The following APP variants were observed in gnomAD, a reference collection of about 807,000 sequenced individuals.
The protein encoded by APP is amyloid beta precursor protein.
A neutral mutation model predicts 101.4 loss-of-function variants in APP; 31 were observed. The ratio of observed to expected loss-of-function variants is 0.31; its 90% confidence interval spans 0.23 to 0.41. The LOEUF (loss-of-function observed/expected upper bound fraction) is 0.41. APP is among the 10% of genes least tolerant of loss of function. APP has a pLI of 1.00. For synonymous variants in APP, 366 were observed against 364.4 expected (o/e 1.00, Z -0.05); for missense variants, 839 against 1,003.7 (o/e 0.84, Z 2.22).
At chr21:25,920,186 T>C (rs1378791213) in intron 13 of APP, among the ~76,000 whole-genome samples, 3 of 151,346 alleles carry the variant, frequency 2.0e-5, no homozygotes, top group Non-Finnish European at 4.4e-5. Flanking sequence ...CTGAGAGATT[T>C]TGTCACCACC....
intron 5 of APP, among the ~76,000 whole-genome samples, chr21:26,030,823 G>C (rs2044785031): frequency 6.6e-6 from 1 of 152,160 alleles, no homozygotes; most frequent in South Asian, 2.1e-4. Context: ...CTAAGGATGG[G>C]TGATCCATAT....
At chr21:25,949,489 C>T (rs1021102117) in intron 13 of APP, among the ~76,000 whole-genome samples, 5 of 152,178 alleles carry the variant, frequency 3.3e-5, no homozygotes, top group African/African-American at 4.8e-5. Context: ...GTGGTGCTTA[C>T]GCTAGATGTC....
chr21:26,167,836 C>G (rs2063649907), intron 1 of APP, among the ~76,000 whole-genome samples: 1 of 152,158 alleles, frequency 6.6e-6, no homozygotes, highest in African/African-American at 2.4e-5. Flanking sequence ...TCTGCTGGTT[C>G]CGGTGACAAG....
chr21:26,011,044 T>C (rs1254773093), intron 6 of APP, among the ~76,000 whole-genome samples: 1 of 151,654 alleles, frequency 6.6e-6, no homozygotes, highest in African/African-American at 2.4e-5. Context: ...GACACAGTAT[T>C]GCACGGGTAT....
At chr21:26,046,416 AAAAAAGAAAAAG>A (rs1226368579) in intron 5 of APP, among the ~76,000 whole-genome samples, 1 of 151,966 alleles carries the variant, frequency 6.6e-6, no homozygotes, top group Non-Finnish European at 1.5e-5. Context: ...CATCTTAAAA[AAAAAAGAAAAAG>A]AAAAAGAAAA....
intron 11 of APP, among the ~76,000 whole-genome samples, chr21:25,965,206 G>T (rs891314758): frequency 1.6e-4 from 25 of 152,324 alleles, no homozygotes; most frequent in African/African-American, 5.5e-4. Flanking sequence ...ATGATGAACA[G>T]AATTAGTAAT....
At chr21:26,132,809 C>G (rs2062822019) in intron 1 of APP, among the ~76,000 whole-genome samples, 1 of 152,086 alleles carries the variant, frequency 6.6e-6, no homozygotes, top group Admixed American at 6.6e-5. Context: ...ACAACAGAAC[C>G]CTAAATTCAG....
chr21:25,946,505 A>G (rs938429170), intron 13 of APP, among the ~76,000 whole-genome samples: 3 of 152,026 alleles, frequency 2.0e-5, no homozygotes, highest in Non-Finnish European at 4.4e-5. Context: ...GTCTCTACTA[A>G]AAATACAAAA....
chr21:26,043,555 T>A (rs2045471132), intron 5 of APP, among the ~76,000 whole-genome samples: 1 of 152,172 alleles, frequency 6.6e-6, no homozygotes, highest in Non-Finnish European at 1.5e-5. Context: ...TAAAGACCAG[T>A]TAGTTTTGGT....
chr21:25,971,049 C>G (rs989791578), intron 11 of APP, among the ~76,000 whole-genome samples: 4 of 151,754 alleles, frequency 2.6e-5, no homozygotes, highest in African/African-American at 9.7e-5. Flanking sequence ...ATACAAACAG[C>G]GTTTCTTTTT....
intron 1 of APP, among the ~76,000 whole-genome samples, chr21:26,126,623 G>A (rs968508483): frequency 5.9e-5 from 9 of 152,042 alleles, no homozygotes; most frequent in African/African-American, 2.2e-4. Context: ...GACTTGGGTG[G>A]TGCTACTGGC....
rs528148241 is a variant in APP at position 26,031,430 on chromosome 21, A to G, written c.663-9388T>C. On this transcript the variant is annotated intron_variant, in intron 5 of 17. Coordinates refer to ENST00000346798, the MANE Select transcript of APP (RefSeq NM_000484.4). ...TAAGGAAGTGTATCAGTCTGTTTTCATGCTGCTGATAAAGACATACCCAAG... is the reference window on the plus strand; with the variant it reads ...TAAGGAAGTGTATCAGTCTGTTTTCGTGCTGCTGATAAAGACATACCCAAG... Among the ~76,000 whole-genome samples the G allele has an allele frequency of 1.9e-4, 29 of 152,286 alleles. 1 individual carries two copies. The South Asian group carries it at 5.8e-3, about 30-fold the overall frequency.
In APP at chr21:26,104,185, G is replaced by C. The variant is rs45523631; in HGVS notation, c.225+7794C>G. On this transcript the variant is annotated intron_variant, in intron 2 of 17. Coordinates refer to ENST00000346798, the MANE Select transcript of APP (RefSeq NM_000484.4). ...CACATACTCATGACCTCATCTAACA[G>C]TTATCACCTCCCAAAGGTATCATCT... Among the ~76,000 whole-genome samples the C allele has an allele frequency of 7.3e-5, 11 of 151,490 alleles. No individual in the cohort carries two copies. In the East Asian group the frequency reaches 2.0e-3, roughly 27 times the overall value.
intron 1 of APP, among the ~76,000 whole-genome samples, chr21:26,144,976 T>C (rs932476564): frequency 6.6e-6 from 1 of 152,100 alleles, no homozygotes; most frequent in Non-Finnish European, 1.5e-5. Flanking sequence ...ATGACCTAGT[T>C]TTATAATACA....
chr21:26,112,643 G>T (rs1034008962), intron 1 of APP, among the ~76,000 whole-genome samples: 2 of 152,208 alleles, frequency 1.3e-5, no homozygotes, highest in East Asian at 3.8e-4. Context: ...GTTAGCAAGT[G>T]ACTGTATTAT....
In APP at chr21:26,170,548, G is replaced by A. The variant is rs201003643; in HGVS notation, c.57+16C>T. On this transcript the variant is annotated intron_variant, in intron 1 of 17. Coordinates refer to ENST00000346798, the MANE Select transcript of APP (RefSeq NM_000484.4). ...ACCGTGCAGCCTCCCCCCGCCTTCC[G>A]AGGCGCGGCACCCACCTCCAGCGCC... 104 of 1,537,130 alleles carry A rather than the reference G, an allele frequency of 6.8e-5. No individual in the cohort carries two copies. The highest frequency in any genetic ancestry group is 9.0e-5 in the Non-Finnish European group (103 of 1,146,056).
chr21:26,056,489 T>C (rs2046046714), intron 3 of APP, among the ~76,000 whole-genome samples: 1 of 152,214 alleles, frequency 6.6e-6, no homozygotes, highest in African/African-American at 2.4e-5. Flanking sequence ...AACCATATTC[T>C]TGAACTTGTG....
chr21:26,089,754 A>G (rs761342710), intron 3 of APP, 189 bp downstream of exon 3: 1 of 687,762 alleles, frequency 1.5e-6, no homozygotes, highest in Non-Finnish European at 2.3e-6. Context: ...GAGGCAGGGA[A>G]CTCAAAAATA....
intron 16 of APP, among the ~76,000 whole-genome samples, chr21:25,895,722 G>A (rs961396802): frequency 3.3e-5 from 5 of 152,128 alleles, no homozygotes; most frequent in South Asian, 2.1e-4. Flanking sequence ...ATAACAAAAT[G>A]AGAAATTGTT....
Sources: allele counts gnomAD v4.1 joint callset (sites outside exome capture counted in the v4.1 genomes callset), GRCh38; gene constraint gnomAD v4.1.1; transcripts MANE v1.5; gene names NCBI Gene and HGNC (gene_info 2026-07-23, HGNC 2026-07-21).